The following PTCSC3 variants were observed in gnomAD, a reference collection of about 807,000 sequenced individuals.
PTCSC3 encodes the protein papillary thyroid carcinoma susceptibility candidate 3, also known as papillary thyroid carcinoma susceptibility candidate 3 (non-protein coding).
intron 3 of PTCSC3, among the ~76,000 whole-genome samples, chr14:36,145,508 C>A (rs1200563784): frequency 1.3e-5 from 2 of 148,826 alleles, no homozygotes; most frequent in Non-Finnish European, 1.5e-5. Context: ...GTGGTGATAT[C>A]CCCTTTATCA....
chr14:36,156,325 C>T (rs532646582), intron 2 of PTCSC3, among the ~76,000 whole-genome samples: 15 of 152,288 alleles, frequency 9.8e-5, no homozygotes, highest in Admixed American at 7.9e-4. Context: ...GATTAGAATG[C>T]TTTTTGCCTT....
At chr14:36,145,870 C>T (rs1177920493) in intron 3 of PTCSC3, among the ~76,000 whole-genome samples, 6 of 148,876 alleles carry the variant, frequency 4.0e-5, no homozygotes, top group Non-Finnish European at 6.0e-5. Context: ...TGTCTTTGTT[C>T]TCGTTGGTTT....
chr14:36,153,222 G>A (rs1019332011), intron 3 of PTCSC3, among the ~76,000 whole-genome samples: 5 of 152,096 alleles, frequency 3.3e-5, no homozygotes, highest in Non-Finnish European at 5.9e-5. Flanking sequence ...ATTCATGATG[G>A]TTCCACTCTT....
intron 3 of PTCSC3, among the ~76,000 whole-genome samples, chr14:36,147,538 A>AT (rs774825336): frequency 2.6e-5 from 4 of 151,836 alleles, no homozygotes; most frequent in Non-Finnish European, 4.4e-5. Flanking sequence ...ACTTCTCTGT[A>AT]TGGTTATTCT....
intron 1 of PTCSC3, among the ~76,000 whole-genome samples, chr14:36,165,656 C>T (rs1328543107): frequency 1.3e-5 from 2 of 150,936 alleles, no homozygotes; most frequent in Non-Finnish European, 1.5e-5. Flanking sequence ...TTTAACTCAA[C>T]TGTAGTTTCA....
intron 3 of PTCSC3, among the ~76,000 whole-genome samples, chr14:36,138,766 T>A (rs181408072): frequency 6.6e-6 from 1 of 152,334 alleles, no homozygotes; most frequent in East Asian, 1.9e-4. Flanking sequence ...CAGTTTAGTA[T>A]AAACATCCCC....
chr14:36,161,259 C>T (rs1255119222), intron 2 of PTCSC3, among the ~76,000 whole-genome samples: 1 of 152,078 alleles, frequency 6.6e-6, no homozygotes, highest in African/African-American at 2.4e-5. Context: ...CTTTTGTTCC[C>T]TTGCTGGCGA....
Position 36,147,830 on chromosome 14 carries a change from A to G in PTCSC3, n.322+5974T>C, listed in dbSNP as rs570249505. 5.7e-3 allele frequency among the ~76,000 whole-genome samples: 872 copies of G among 151,668 alleles called. 3 individuals are homozygous for G. Among genetic ancestry groups the G allele is most frequent in the Admixed American group, 7.7e-3 (117 of 15,248 alleles). ...GGTCTTTGATGATGGTGATGTACAG[A>G]TGGGTTTTTGGTGTGGAAGTCCTTT... On this transcript the variant is annotated intron_variant and non_coding_transcript_variant, in intron 3 of 3. Coordinates refer to ENST00000556013, the Ensembl canonical transcript of PTCSC3.
chr14:36,154,134 A>G (rs764336835), intron 2 of PTCSC3, among the ~76,000 whole-genome samples: 36 of 152,118 alleles, frequency 2.4e-4, no homozygotes, highest in Non-Finnish European at 4.3e-4. Flanking sequence ...AACATGTTGT[A>G]TGATTCTGTT....
chr14:36,148,404 C>T (rs751240343), intron 3 of PTCSC3, among the ~76,000 whole-genome samples: 7 of 152,274 alleles, frequency 4.6e-5, no homozygotes, highest in East Asian at 1.9e-4. Flanking sequence ...GCGCAGTATT[C>T]GGGTGGGAGT....
At chr14:36,168,748 TG>T (rs1882141547) in intron 1 of PTCSC3, among the ~76,000 whole-genome samples, 1 of 152,056 alleles carries the variant, frequency 6.6e-6, no homozygotes, top group African/African-American at 2.4e-5. Context: ...CCCAAATAGC[TG>T]GAACTGCAAG....
chr14:36,145,155 C>T (rs1429132379), intron 3 of PTCSC3, among the ~76,000 whole-genome samples: 1 of 140,172 alleles, frequency 7.1e-6, no homozygotes, highest in Non-Finnish European at 1.5e-5. Flanking sequence ...GCTTTGGTAT[C>T]AGGATGACGC....
At chr14:36,158,163 T>C (rs1881871273) in intron 2 of PTCSC3, among the ~76,000 whole-genome samples, 1 of 152,206 alleles carries the variant, frequency 6.6e-6, no homozygotes, top group South Asian at 2.1e-4. Context: ...GCTGAGATGA[T>C]GGGGTTTTCT....
intron 3 of PTCSC3, among the ~76,000 whole-genome samples, chr14:36,144,387 T>G: frequency 7.1e-6 from 1 of 140,614 alleles, no homozygotes; most frequent in Non-Finnish European, 1.5e-5. Flanking sequence ...CCCTTATAAG[T>G]TGGATTCCTA....
intron 1 of PTCSC3, among the ~76,000 whole-genome samples, chr14:36,175,728 T>C (rs1882270707): frequency 1.3e-5 from 2 of 152,232 alleles, no homozygotes; most frequent in Admixed American, 6.5e-5. Flanking sequence ...TACAGCTATA[T>C]TTAACTTGTC....
chr14:36,171,688 TAACTATCAAAGGCAA>T (rs752551670), intron 1 of PTCSC3, among the ~76,000 whole-genome samples: 4 of 152,028 alleles, frequency 2.6e-5, no homozygotes, highest in South Asian at 4.1e-4. Context: ...CGGGGGAAAA[TAACTATCAAAGGCAA>T]GCAAGATGCA....
intron 1 of PTCSC3, among the ~76,000 whole-genome samples, chr14:36,163,100 A>T (rs1882005543): frequency 6.6e-6 from 1 of 151,828 alleles, no homozygotes; most frequent in South Asian, 2.1e-4. Context: ...TGAAAAAAAA[A>T]ATAGCCATGG....
chr14:36,152,412 A>T (rs1050976616), intron 3 of PTCSC3, among the ~76,000 whole-genome samples: 1 of 152,132 alleles, frequency 6.6e-6, no homozygotes, highest in Non-Finnish European at 1.5e-5. Flanking sequence ...CTACAATTGC[A>T]CTTGTGAATA....
In PTCSC3 at chr14:36,162,270, A is replaced by C. The variant is rs867601646; in HGVS notation, n.231+354T>G. ...CTGCTGGGGTATGGAAAAAAAAAAA[A>C]AAAAAAAAAAAAAAACTCCTGCAGC... On this transcript the variant is annotated intron_variant and non_coding_transcript_variant, in intron 2 of 3. Coordinates refer to ENST00000556013, the Ensembl canonical transcript of PTCSC3. Among the ~76,000 whole-genome samples the C allele has an allele frequency of 3.5e-3, 526 of 148,864 alleles. 10 individuals are homozygous for C. Among genetic ancestry groups the C allele is most frequent in the Middle Eastern group, 0.018 (5 of 284 alleles).
Sources: allele counts gnomAD v4.1 joint callset (sites outside exome capture counted in the v4.1 genomes callset), GRCh38; gene constraint gnomAD v4.1.1; transcripts MANE v1.5; gene names NCBI Gene and HGNC (gene_info 2026-07-23, HGNC 2026-07-21).